Variants in ST7L observed in about 807,000 individuals in gnomAD.
ST7L encodes suppressor of tumorigenicity 7 protein-like.
A neutral mutation model predicts 72.5 loss-of-function variants in ST7L; 57 were observed. The ratio of observed to expected loss-of-function variants is 0.79; its 90% CI spans 0.64 to 0.98. The LOEUF (loss-of-function observed/expected upper bound fraction) is 0.98. ST7L is among the 50% of genes least tolerant of loss of function. The probability of loss-of-function intolerance (pLI) is 0.00; values close to 1 mark genes in which losing one functional copy is unlikely to be tolerated. For synonymous variants in ST7L, 221 were observed against 240.9 expected (o/e 0.92, Z 0.77); for missense variants, 576 against 672.2 (o/e 0.86, Z 1.58).
chr1:112,540,024 T>C (rs1254228090), intron 14 of ST7L: 1 of 985,282 alleles, frequency 1.0e-6, no homozygotes. Context: ...ATTCTCAGTC[T>C]CTACTAGAGG....
chr1:112,614,068 TAA>T (rs1345026600), intron 2 of ST7L, among the ~76,000 whole-genome samples: 1 of 152,172 alleles, frequency 6.6e-6, no homozygotes, highest in African/African-American at 2.4e-5. Context: ...ATCATATATA[TAA>T]GTTATCCCCC....
chr1:112,545,019 C>G (rs1424938770), intron 13 of ST7L, among the ~76,000 whole-genome samples: 1 of 152,118 alleles, frequency 6.6e-6, no homozygotes, highest in Non-Finnish European at 1.5e-5. Context: ...GGGAATAGTT[C>G]AACTCTGAAC....
At chr1:112,574,241 G>A (rs1470687627) in intron 11 of ST7L, among the ~76,000 whole-genome samples, 1 of 144,148 alleles carries the variant, frequency 6.9e-6, no homozygotes, top group Non-Finnish European at 1.5e-5. Context: ...TAATGAGACA[G>A]AGTCTCACTC....
At chr1:112,591,639 T>C (rs1558030239) in intron 5 of ST7L, 36 bp from the exon 6 acceptor site, 2 of 1,536,136 alleles carry the variant, frequency 1.3e-6, no homozygotes, top group African/African-American at 1.4e-5. Context: ...GATGAGATGG[T>C]AAAAAAATAA....
chr1:112,555,452 C>G lies in ST7L; in HGVS notation c.1396+416G>C, dbSNP rs556875162. On this transcript the variant is annotated intron_variant, in intron 12 of 14. Coordinates refer to ENST00000358039, the MANE Select transcript of ST7L (RefSeq NM_017744.5). ...TGGTGGCAGGCGCCTGTAGTCCCAG[C>G]TACTTGGGAGGCTGAGGCAGGAGAA... 7.3e-4 allele frequency among the ~76,000 whole-genome samples: 111 copies of G among 152,186 alleles called. 1 individual carries two copies. Among genetic ancestry groups the G allele is most frequent in the African/African-American group, 2.6e-3 (107 of 41,516 alleles).
chr1:112,613,849 T>G (rs1669444384), intron 2 of ST7L, among the ~76,000 whole-genome samples: 1 of 152,076 alleles, frequency 6.6e-6, no homozygotes, highest in African/African-American at 2.4e-5. Context: ...CACCTCAGTC[T>G]CTGAAGTAGC....
At chr1:112,604,026 G>A (rs1436575245) in intron 3 of ST7L, among the ~76,000 whole-genome samples, 2 of 151,992 alleles carry the variant, frequency 1.3e-5, no homozygotes, top group Non-Finnish European at 1.5e-5. Flanking sequence ...ACATTAATTC[G>A]GCTGGGCACA....
intron 11 of ST7L, among the ~76,000 whole-genome samples, chr1:112,562,328 G>T (rs1660297735): frequency 6.6e-6 from 1 of 152,020 alleles, no homozygotes; most frequent in African/African-American, 2.4e-5. Context: ...AGATATGTCT[G>T]TTTCCCAGTG....
intron 3 of ST7L, among the ~76,000 whole-genome samples, chr1:112,602,083 CAAAAAAA>C (rs71584754): frequency 6.2e-4 from 55 of 89,100 alleles, no homozygotes; most frequent in Admixed American, 1.9e-3. Flanking sequence ...AAACTCCATC[CAAAAAAA>C]AAAAAAAAAA....
At chr1:112,560,410 C>CAAA (rs1659928243) in intron 11 of ST7L, among the ~76,000 whole-genome samples, 1 of 151,646 alleles carries the variant, frequency 6.6e-6, no homozygotes, top group Non-Finnish European at 1.5e-5. Flanking sequence ...ACCCAAAAAC[C>CAAA]AAAAAACAAA....
At position 112,616,974 on chromosome 1, in the gene ST7L, T is replaced by C; in HGVS notation, c.206-79A>G. ...GGTTACAAATATGCAAGTATCTTTATGAGTGGTGGGACTTAAGTAGTATTA... is the reference window on the plus strand; with the variant it reads ...GGTTACAAATATGCAAGTATCTTTACGAGTGGTGGGACTTAAGTAGTATTA... On this transcript the variant is annotated intron_variant, in intron 1 of 14. Coordinates refer to ENST00000358039, the MANE Select transcript of ST7L (RefSeq NM_017744.5). 5.2e-6 allele frequency: 5 copies of C among 958,676 alleles called. No individual in the cohort carries two copies. In the East Asian group the frequency reaches 1.0e-4, roughly 19 times the overall value. The allele number at this position is 958,676 out of a possible 1,614,324, so 59.4% of individuals were successfully genotyped here. A position where few individuals can be genotyped will look rare whatever the true frequency, so the allele number is the denominator to read the frequency against.
chr1:112,528,069 G>C (rs1302416358), intron 14 of ST7L: 3 of 152,158 alleles, frequency 2.0e-5, no homozygotes, highest in Admixed American at 6.5e-5. Flanking sequence ...TAATGGACTA[G>C]GAAGCAGAAG....
chr1:112,545,848 C>T (rs561842776), intron 13 of ST7L, among the ~76,000 whole-genome samples: 25 of 152,238 alleles, frequency 1.6e-4, no homozygotes, highest in Middle Eastern at 3.4e-3. Context: ...TTTATGCCTA[C>T]GACTTCTTTT....
chr1:112,530,482 T>C (rs1654202407), intron 14 of ST7L, among the ~76,000 whole-genome samples: 1 of 152,186 alleles, frequency 6.6e-6, no homozygotes, highest in African/African-American at 2.4e-5. Context: ...TGGCGTGATC[T>C]TGGCTCACTG....
At chr1:112,588,323 G>A (rs144498258) in intron 6 of ST7L, among the ~76,000 whole-genome samples, 3,071 of 152,258 alleles carry the variant, frequency 0.02, 107 homozygotes, top group African/African-American at 0.069. Context: ...CCTCCAGTAT[G>A]CCATGTAACA....
At chr1:112,559,028 T>C (rs1361620447) in intron 11 of ST7L, among the ~76,000 whole-genome samples, 1 of 152,180 alleles carries the variant, frequency 6.6e-6, no homozygotes, top group African/African-American at 2.4e-5. Context: ...TAAACCAAGT[T>C]CTTTCTATTA....
intron 14 of ST7L, among the ~76,000 whole-genome samples, chr1:112,538,551 C>T (rs565855835): frequency 6.6e-6 from 1 of 152,236 alleles, no homozygotes; most frequent in East Asian, 1.9e-4. Context: ...CACCATGTTA[C>T]CCGGGCTGGT....
Position 112,526,105 on chromosome 1 carries a change from C to T in ST7L, c.1636G>A (p.Gly546Arg). 1 of 1,614,074 alleles carries T rather than the reference C, an allele frequency of 6.2e-7. No homozygotes were observed. The highest frequency in any genetic ancestry group is 8.5e-7 in the Non-Finnish European group (1 of 1,180,004). The change falls in exon 15 of 15, where the codon GGA becomes AGA. Residue 546 changes from glycine to arginine, a missense_variant. Around this residue, in one of 3 missense-constraint regions of ST7L, gnomAD observed 511 missense variants for 600.7 expected, o/e 0.85. Transcript: ENST00000358039. ...GCCCAGGGTTGGGGGCACCAGAGTC[C>T]CAGCACCTTCAAAACAGAAATTGAT... ...IMGIFAKAVL[G>R]LWCPQPWASS... is the part of the protein sequence containing the mutation.
chr1:112,554,958 G>A (rs1366354950), intron 12 of ST7L, among the ~76,000 whole-genome samples: 1 of 152,112 alleles, frequency 6.6e-6, no homozygotes. Context: ...GTAGAATGGT[G>A]GCTGCCAAGG....
Sources: allele counts gnomAD v4.1 joint callset (sites outside exome capture counted in the v4.1 genomes callset), GRCh38; gene constraint gnomAD v4.1.1; regional missense constraint gnomAD v4.1.1; transcripts MANE v1.5; gene names NCBI Gene and HGNC (gene_info 2026-07-23, HGNC 2026-07-21).